Variants in ERICH1 observed in about 807,000 individuals in gnomAD.
ERICH1 encodes glutamate rich 1.
ERICH1 carries 56 observed loss-of-function variants against 39.6 expected under a neutral mutation model. The ratio of observed to expected loss-of-function variants is 1.41; its 90% CI spans 1.14 to 1.77. The LOEUF is 1.77. Among genes scored for constraint, ERICH1 ranks in the 40% most tolerant of loss-of-function variants. The probability of loss-of-function intolerance (pLI) is 0.00; values close to 1 mark genes in which losing one functional copy is unlikely to be tolerated. For missense variants in ERICH1, 826 were observed against 575.4 expected (o/e 1.44, Z -4.45); for synonymous variants, 313 against 223.6 (o/e 1.40, Z -3.57).
chr8:616,443 T>A, intron 3 of ERICH1: 1 of 445,418 alleles, frequency 2.2e-6, no homozygotes, highest in South Asian at 1.6e-5. Context: ...CATGCTCTCC[T>A]GGCTAAGCGG....
intron 1 of ERICH1, among the ~76,000 whole-genome samples, chr8:720,463 A>T (rs1817046136): frequency 6.6e-6 from 1 of 152,224 alleles, no homozygotes; most frequent in Non-Finnish European, 1.5e-5. Context: ...GAATGCAGGA[A>T]AACAGGCTGC....
At chr8:640,030 A>G (rs1798813497) in intron 3 of ERICH1, among the ~76,000 whole-genome samples, 1 of 152,214 alleles carries the variant, frequency 6.6e-6, no homozygotes, top group Admixed American at 6.5e-5. Context: ...ACATGTCCCA[A>G]GCCCTGATGG....
chr8:618,911 A>G (rs751462810), intron 3 of ERICH1, among the ~76,000 whole-genome samples: 15 of 152,314 alleles, frequency 9.8e-5, no homozygotes, highest in Non-Finnish European at 2.1e-4. Flanking sequence ...GACTCCTCCC[A>G]GAAGACAATC....
intron 3 of ERICH1, among the ~76,000 whole-genome samples, chr8:690,489 G>A (rs910523912): frequency 2.4e-4 from 36 of 152,256 alleles, no homozygotes; most frequent in African/African-American, 8.2e-4. Flanking sequence ...TGTTGGAACC[G>A]GGACCGGCAG....
rs77730982 is a variant in ERICH1, at chr8:668,208, T to C, written c.1258+390A>G. On this transcript the variant is annotated intron_variant, in intron 5 of 5. Coordinates refer to ENST00000262109, the MANE Select transcript of ERICH1 (RefSeq NM_207332.3). ...TGAAGGTGGCAGAAAATAAAAGTCG[T>C]CATCACCACGTCAGGGGTTCAATAA... 4.5e-3 allele frequency: 1,185 copies of C among 264,212 alleles called. 20 individuals carry two copies. The highest frequency in any genetic ancestry group is 0.025 in the African/African-American group (1,113 of 44,760). The allele number at this position is 264,212 out of a possible 1,614,324, so 16.4% of individuals were successfully genotyped here.
At chr8:651,659 C>G (rs55793055) in intron 3 of ERICH1, among the ~76,000 whole-genome samples, 1 of 143,690 alleles carries the variant, frequency 7.0e-6, no homozygotes, top group South Asian at 2.2e-4. Flanking sequence ...AGGCAGAGAG[C>G]GAGGGAGACG....
intron 1 of ERICH1, among the ~76,000 whole-genome samples, chr8:718,204 A>C (rs1025393165): frequency 6.1e-5 from 9 of 147,958 alleles, no homozygotes; most frequent in African/African-American, 2.3e-4. Flanking sequence ...TTGGAGTGCA[A>C]TGACAAACCG....
intron 3 of ERICH1, chr8:627,341 G>A (rs558659189): frequency 2.5e-6 from 1 of 401,418 alleles, no homozygotes; most frequent in Non-Finnish European, 5.2e-6. Flanking sequence ...ACAGCTCCTT[G>A]TCTCCCATTC....
At chr8:729,187 C>A (rs554675120) in intron 1 of ERICH1, among the ~76,000 whole-genome samples, 1 of 152,238 alleles carries the variant, frequency 6.6e-6, no homozygotes, top group East Asian at 1.9e-4. Context: ...GCTCCGCCAA[C>A]ATCCGGCGGT....
At chr8:686,423 T>C (rs1477402087) in intron 3 of ERICH1, among the ~76,000 whole-genome samples, 2 of 152,148 alleles carry the variant, frequency 1.3e-5, no homozygotes, top group Admixed American at 6.5e-5. Context: ...ATGCATTCTT[T>C]TCTTTTGTTT....
At chr8:700,054 CGCGCACAGGCCCTCACAG>C (rs1563296987) in intron 2 of ERICH1, among the ~76,000 whole-genome samples, 3 of 128,212 alleles carry the variant, frequency 2.3e-5, no homozygotes, top group South Asian at 2.5e-4. Flanking sequence ...GGCCCGCACA[CGCGCACAGGCCCTCACAG>C]GCGCACAGAC....
chr8:685,275 C>T (rs11137026), intron 3 of ERICH1, among the ~76,000 whole-genome samples: 54,804 of 151,944 alleles, frequency 0.36, 10,146 homozygotes, highest in Middle Eastern at 0.49. Context: ...AAGAGAAATA[C>T]GGCTGTGTCC....
Position 616,558 on chromosome 8 carries a change from G to T in ERICH1, c.977-1274C>A, listed in dbSNP as rs941564176. On this transcript the variant is annotated intron_variant, in intron 3 of 3. Coordinates refer to the ERICH1 transcript ENST00000522706. Reference sequence around the variant, plus strand: ...ACAACACGCACATCTGGGAACTGGAGCTGAAAAACAGATCAAGTCAGGGCT... The same window carrying T: ...ACAACACGCACATCTGGGAACTGGATCTGAAAAACAGATCAAGTCAGGGCT... The T allele has an allele frequency of 6.6e-5, 30 of 455,898 alleles. 1 individual carries two copies. Among genetic ancestry groups the T allele is most frequent in the South Asian group, 4.3e-4 (28 of 64,558 alleles). The allele number at this position is 455,898 out of a possible 1,614,324, so 28.2% of individuals were successfully genotyped here.
intron 2 of ERICH1, among the ~76,000 whole-genome samples, chr8:701,699 T>C (rs1563303106): frequency 6.6e-6 from 1 of 152,210 alleles, no homozygotes; most frequent in Non-Finnish European, 1.5e-5. Flanking sequence ...AGGTAGATTT[T>C]AGATAAAGAT....
At chr8:705,569 A>G (rs1813084102) in intron 2 of ERICH1, among the ~76,000 whole-genome samples, 1 of 152,210 alleles carries the variant, frequency 6.6e-6, no homozygotes, top group Admixed American at 6.5e-5. Context: ...AGCTAACATC[A>G]TACAGGATGG....
At chr8:669,893 T>C (rs1802901220) in intron 4 of ERICH1, among the ~76,000 whole-genome samples, 1 of 152,208 alleles carries the variant, frequency 6.6e-6, no homozygotes, top group Non-Finnish European at 1.5e-5. Flanking sequence ...CTGCTTGGAC[T>C]TGGCAGGACT....
chr8:698,830 G>A (rs750995137), intron 2 of ERICH1, among the ~76,000 whole-genome samples: 52 of 151,874 alleles, frequency 3.4e-4, no homozygotes, highest in Non-Finnish European at 5.9e-4. Flanking sequence ...CAAAACCAGG[G>A]CTCACGGTGC....
At chr8:721,703 C>CT (rs1259596523) in intron 1 of ERICH1, among the ~76,000 whole-genome samples, 1 of 152,234 alleles carries the variant, frequency 6.6e-6, no homozygotes, top group Non-Finnish European at 1.5e-5. Context: ...TAAACACAGC[C>CT]TGTCTTCCAA....
chr8:656,165 C>A (rs1010921334), intron 3 of ERICH1, among the ~76,000 whole-genome samples: 15 of 152,272 alleles, frequency 9.9e-5, no homozygotes, highest in Admixed American at 2.6e-4. Flanking sequence ...GAGGGACATG[C>A]CCCTCATCCC....
Sources: allele counts gnomAD v4.1 joint callset (sites outside exome capture counted in the v4.1 genomes callset), GRCh38; gene constraint gnomAD v4.1.1; transcripts MANE v1.5; gene names NCBI Gene and HGNC (gene_info 2026-07-23, HGNC 2026-07-21).